PPM1B: variants seen among roughly 807,000 people sequenced by gnomAD.
The protein encoded by PPM1B is protein phosphatase, Mg2+/Mn2+ dependent 1B, also known as protein phosphatase 1B.
Under a neutral mutation model 43.0 loss-of-function variants are expected in PPM1B, and 22 were observed. The observed-to-expected ratio is 0.51, with a 90% CI of 0.37 to 0.73. The LOEUF is 0.73. PPM1B is among the 30% of genes least tolerant of loss of function. The pLI, the probability that PPM1B is intolerant of heterozygous loss-of-function variation, is 0.00. For synonymous variants in PPM1B, 217 were observed against 197.9 expected (o/e 1.10, Z -0.81); for missense variants, 632 against 584.2 (o/e 1.08, Z -0.84).
chr2:44,221,121 G>C (rs1669961222), intron 5 of PPM1B, among the ~76,000 whole-genome samples: 1 of 152,126 alleles, frequency 6.6e-6, no homozygotes, highest in Non-Finnish European at 1.5e-5. Flanking sequence ...TACCATATTA[G>C]ATTAAAGAGA....
chr2:44,202,530 G>T (rs1412475840), intron 2 of PPM1B, among the ~76,000 whole-genome samples: 1 of 152,126 alleles, frequency 6.6e-6, no homozygotes, highest in African/African-American at 2.4e-5. Context: ...AATATGGGTT[G>T]TATATTTCTC....
intron 1 of PPM1B, among the ~76,000 whole-genome samples, chr2:44,189,423 C>T (rs376121544): frequency 1.9e-4 from 29 of 152,202 alleles, no homozygotes; most frequent in South Asian, 8.3e-4. Flanking sequence ...GGATTCCCTC[C>T]GCAGTTCTAA....
At chr2:44,179,233 C>T (rs1667740298) in intron 1 of PPM1B, among the ~76,000 whole-genome samples, 2 of 152,176 alleles carry the variant, frequency 1.3e-5, no homozygotes, top group South Asian at 4.1e-4. Flanking sequence ...CCTCCCTGGC[C>T]ACATAGAACT....
rs77560486 is a variant in PPM1B at position 44,173,430 on chromosome 2, G to A, written c.-15+4156G>A. On this transcript the variant is annotated intron_variant, in intron 1 of 5. Coordinates refer to ENST00000282412, the MANE Select transcript of PPM1B (RefSeq NM_002706.6). Reference sequence around the variant, plus strand: ...TTTTTTCATTTCTTTTTTGCCCCTCGAGATCTCATACTTCGTAGTTTTCCT... The same window carrying A: ...TTTTTTCATTTCTTTTTTGCCCCTCAAGATCTCATACTTCGTAGTTTTCCT... Among the ~76,000 whole-genome samples, 432 of 150,080 alleles carry A rather than the reference G, an allele frequency of 2.9e-3. 2 individuals carry two copies. Among genetic ancestry groups the A allele is most frequent in the African/African-American group, 0.01 (420 of 40,728 alleles).
At chr2:44,233,121 A>T, downstream of PPM1B, 1 of 979,126 alleles carries the variant, frequency 1.0e-6, no homozygotes. Context: ...TTGCCTTTAT[A>T]ATGTAAATTG....
At chr2:44,209,188 CT>C (rs757701199) in intron 2 of PPM1B, 21 bp from the exon 3 acceptor site, 4 of 1,520,718 alleles carry the variant, frequency 2.6e-6, no homozygotes, top group African/African-American at 1.4e-5. Context: ...AATTTTTTTT[CT>C]TTTTTTTCTT....
At chr2:44,228,859 A>G (rs1670342084) in intron 5 of PPM1B, among the ~76,000 whole-genome samples, 1 of 152,104 alleles carries the variant, frequency 6.6e-6, no homozygotes, top group Non-Finnish European at 1.5e-5. Flanking sequence ...TTTTACCTGT[A>G]AACATTTAAG....
intron 2 of PPM1B, among the ~76,000 whole-genome samples, chr2:44,203,733 A>G (rs1450052982): frequency 6.6e-6 from 1 of 152,082 alleles, no homozygotes; most frequent in Non-Finnish European, 1.5e-5. Context: ...GATCTGTATC[A>G]TTTTTCTTGG....
At chr2:44,207,593 T>TGA (rs1021626985) in intron 2 of PPM1B, among the ~76,000 whole-genome samples, 16 of 151,814 alleles carry the variant, frequency 1.1e-4, no homozygotes, top group East Asian at 3.9e-4. Context: ...TTTTTTTTTT[T>TGA]GAGAGAGAGT....
chr2:44,194,102 A>AT (rs920343167), intron 1 of PPM1B, among the ~76,000 whole-genome samples: 5 of 150,618 alleles, frequency 3.3e-5, no homozygotes, highest in Non-Finnish European at 7.4e-5. Flanking sequence ...TCTCTTAAGG[A>AT]TTTTTTTTTC....
chr2:44,172,759 T>C lies in PPM1B; in HGVS notation c.-15+3485T>C, dbSNP rs550127121. Among the ~76,000 whole-genome samples the C allele has an allele frequency of 4.6e-4, 70 of 152,102 alleles. 1 individual carries two copies. The highest frequency in any genetic ancestry group is 1.3e-4 in the Non-Finnish European group (9 of 68,012). On this transcript the variant is annotated intron_variant, in intron 1 of 5. Transcript: ENST00000282412. Reference sequence around the variant, plus strand: ...ACCCTGTCTCTACAAAAAATAAAGTTAGCTGGGCTTGGTGGTGTGTGCACC... The same window carrying C: ...ACCCTGTCTCTACAAAAAATAAAGTCAGCTGGGCTTGGTGGTGTGTGCACC...
At chr2:44,185,442 G>A (rs1312620734) in intron 1 of PPM1B, among the ~76,000 whole-genome samples, 3 of 152,028 alleles carry the variant, frequency 2.0e-5, no homozygotes, top group Non-Finnish European at 4.4e-5. Flanking sequence ...TTTTTTCTCA[G>A]ATTAAATTTG....
At chr2:44,197,518 A>G (rs1362321068) in intron 1 of PPM1B, among the ~76,000 whole-genome samples, 1 of 152,170 alleles carries the variant, frequency 6.6e-6, no homozygotes, top group East Asian at 1.9e-4. Flanking sequence ...TTTGGATTTC[A>G]CCAGTTTTTC....
chr2:44,177,634 G>T (rs901443795), intron 1 of PPM1B, among the ~76,000 whole-genome samples: 2 of 151,744 alleles, frequency 1.3e-5, no homozygotes, highest in Admixed American at 6.6e-5. Context: ...TGGCCAGGCT[G>T]GTCTCGAACT....
In PPM1B at chr2:44,230,013, T is replaced by C. The variant is rs1298821011; in HGVS notation, c.1135-400T>C. 5 of 1,592,676 alleles carry C rather than the reference T, an allele frequency of 3.1e-6. No individual in the cohort carries two copies. In the South Asian group the frequency reaches 5.7e-5, roughly 18 times the overall value. ...TTTAGCAGAAATGATGAAGAAACTG[T>C]TCTGATGGCCTGCTTTTCTGTCCTT... On this transcript the variant is annotated intron_variant, in intron 5 of 5. Transcript: ENST00000282412.
At chr2:44,172,024 A>G (rs1572674306) in intron 1 of PPM1B, among the ~76,000 whole-genome samples, 1 of 152,316 alleles carries the variant, frequency 6.6e-6, no homozygotes, top group East Asian at 1.9e-4. Context: ...GATTTTAGTA[A>G]AAATTAGCAA....
intron 3 of PPM1B, among the ~76,000 whole-genome samples, chr2:44,210,783 T>G (rs894863270): frequency 6.6e-6 from 1 of 152,112 alleles, no homozygotes; most frequent in Non-Finnish European, 1.5e-5. Flanking sequence ...ATATGATATA[T>G]CAGTACTACT....
downstream of PPM1B, among the ~76,000 whole-genome samples, chr2:44,235,952 A>T (rs2104288051): frequency 6.6e-6 from 1 of 152,182 alleles, no homozygotes; most frequent in East Asian, 1.9e-4. Flanking sequence ...TTAAAATAAC[A>T]TTGTGAAGGA....
At chr2:44,222,694 A>T (rs1321484958) in intron 5 of PPM1B, among the ~76,000 whole-genome samples, 1 of 151,986 alleles carries the variant, frequency 6.6e-6, no homozygotes, top group Non-Finnish European at 1.5e-5. Context: ...AATTAGTCTG[A>T]CTCCTATTCT....
Sources: gnomAD v4.1 joint callset for allele counts (sites outside exome capture counted in the v4.1 genomes callset) on GRCh38, gnomAD v4.1.1 for gene constraint, MANE v1.5 for transcripts, NCBI Gene and HGNC (gene_info 2026-07-23, HGNC 2026-07-21) for gene names.